Variants in MEI4 observed in about 807,000 individuals in gnomAD.
The protein encoded by MEI4 is meiotic double-stranded break formation protein 4.
MEI4 carries 27 observed loss-of-function variants against 31.4 expected under a neutral mutation model. That is an observed-to-expected ratio of 0.86 (90% CI 0.63 to 1.19). MEI4 has a LOEUF of 1.19. Ranked by LOEUF, MEI4 falls within the 50% of genes most tolerant of loss-of-function variation. The pLI is 0.00. For missense variants in MEI4, 329 were observed against 398.9 expected (o/e 0.82, Z 1.49); for synonymous variants, 122 against 145.4 (o/e 0.84, Z 1.16).
chr6:77,832,844 G>C (rs557721356), intron 4 of MEI4, among the ~76,000 whole-genome samples: 1 of 152,186 alleles, frequency 6.6e-6, no homozygotes, highest in East Asian at 1.9e-4. Flanking sequence ...CAACTGGTAT[G>C]TGTGTTGTCT....
At chr6:77,774,330 G>A (rs34107489) in intron 3 of MEI4, among the ~76,000 whole-genome samples, 13,963 of 151,972 alleles carry the variant, frequency 0.092, 925 homozygotes, top group East Asian at 0.3. Flanking sequence ...GTAGTCAGCC[G>A]TAAAAAAAGA....
Position 77,799,483 on chromosome 6 carries a change from A to T in MEI4, c.769-29448A>T, listed in dbSNP as rs1437451130. ...ATGGTAGTTTCTTTTGCTGTGCAGA[A>T]GCTCTTTAGTTTAATTAGATCCCAT... On this transcript the variant is annotated intron_variant, in intron 3 of 4. Coordinates refer to ENST00000684080, the MANE Select transcript of MEI4 (RefSeq NM_001322247.2). Among the ~76,000 whole-genome samples, 16 of 151,966 alleles carry T rather than the reference A, an allele frequency of 1.1e-4. No individual in the cohort carries two copies. The East Asian group carries it at 2.9e-3, about 27-fold the overall frequency.
chr6:77,737,485 G>A (rs911624751), intron 2 of MEI4, among the ~76,000 whole-genome samples: 4 of 152,072 alleles, frequency 2.6e-5, no homozygotes, highest in Non-Finnish European at 4.4e-5. Context: ...AGGAGTGCAC[G>A]TTCCTAAGGG....
chr6:77,820,119 T>G lies in MEI4; in HGVS notation c.769-8812T>G, dbSNP rs1483849913. Among the ~76,000 whole-genome samples the G allele has an allele frequency of 2.0e-5, 3 of 152,164 alleles. No homozygotes were observed. The highest frequency in any genetic ancestry group is 2.9e-5 in the Non-Finnish European group (2 of 68,032). ...TGTCAGTATCAGGATATGAGTTGTT[T>G]TGATAGAAACGAAACTGAAATATAA... On this transcript the variant is annotated intron_variant, in intron 3 of 4. Coordinates refer to ENST00000684080, the MANE Select transcript of MEI4 (RefSeq NM_001322247.2). The surrounding 1 kb of genome is among the most constrained non-coding windows in gnomAD (Gnocchi z 4.5).
intron 4 of MEI4, among the ~76,000 whole-genome samples, chr6:77,889,564 A>G (rs28482237): frequency 0.048 from 7,317 of 152,278 alleles, 439 homozygotes; most frequent in African/African-American, 0.14. Flanking sequence ...CAGCCTGACA[A>G]TGCAGTGGAA....
At position 77,903,931 on chromosome 6, in the gene MEI4, G is replaced by A. The variant is rs113591306; in HGVS notation, c.901-19158G>A. Among the ~76,000 whole-genome samples the A allele has an allele frequency of 5.2e-3, 787 of 152,150 alleles. 7 individuals are homozygous for A. Among genetic ancestry groups the A allele is most frequent in the African/African-American group, 0.019 (769 of 41,516 alleles). ...CTATTTCTATCCCTCCACTTTCAGTGTATTTGTGTACTTAAAGGTCAAGTC... is the reference window on the plus strand; with the variant it reads ...CTATTTCTATCCCTCCACTTTCAGTATATTTGTGTACTTAAAGGTCAAGTC... On this transcript the variant is annotated intron_variant, in intron 4 of 4. Transcript: ENST00000684080.
intron 2 of MEI4, among the ~76,000 whole-genome samples, chr6:77,741,935 CA>C (rs774045220): frequency 6.6e-6 from 1 of 151,942 alleles, no homozygotes; most frequent in Non-Finnish European, 1.5e-5. Context: ...CATGTCCCTA[CA>C]AAGGACATGA....
At chr6:77,739,744 G>C (rs1465220233) in intron 2 of MEI4, among the ~76,000 whole-genome samples, 1 of 151,472 alleles carries the variant, frequency 6.6e-6, no homozygotes, top group Non-Finnish European at 1.5e-5. Flanking sequence ...AAAAAAATAG[G>C]AAAACCAACT....
chr6:77,687,706 A>G (rs1769084066), intron 1 of MEI4, among the ~76,000 whole-genome samples: 2 of 152,092 alleles, frequency 1.3e-5, no homozygotes, highest in African/African-American at 4.8e-5. Context: ...CCAGTTTACT[A>G]TAAAAAATAC....
rs917694725 is a variant in MEI4, at chr6:77,924,076, T to C, written c.*730T>C. The C allele has an allele frequency of 6.6e-6, 1 of 151,822 alleles. No homozygotes were observed. Among genetic ancestry groups the C allele is most frequent in the Non-Finnish European group, 1.5e-5 (1 of 67,846 alleles). 9.4% of individuals were successfully genotyped at this position (151,822 alleles called of 1,614,324 possible). ...CAATTAAGTCACTAGACATATTTTA[T>C]AAATTCTAATATCCATCTAAAAGTG... On this transcript the variant is annotated 3_prime_UTR_variant, in exon 5 of 5. Coordinates refer to ENST00000684080, the MANE Select transcript of MEI4 (RefSeq NM_001322247.2).
At chr6:77,830,769 T>G (rs2127711883) in intron 4 of MEI4, among the ~76,000 whole-genome samples, 1 of 152,178 alleles carries the variant, frequency 6.6e-6, no homozygotes, top group African/African-American at 2.4e-5. Flanking sequence ...GATTAAAGTC[T>G]TAAATGTAAG....
At chr6:77,905,168 C>T (rs1453870943) in intron 4 of MEI4, among the ~76,000 whole-genome samples, 2 of 151,956 alleles carry the variant, frequency 1.3e-5, no homozygotes, top group Non-Finnish European at 1.5e-5. Flanking sequence ...AAATTAGTCT[C>T]GGTTGGCAGT....
intron 3 of MEI4, among the ~76,000 whole-genome samples, chr6:77,786,572 C>T (rs758811346): frequency 9.2e-5 from 14 of 151,572 alleles, no homozygotes; most frequent in African/African-American, 2.4e-4. Flanking sequence ...TGTAATAAGA[C>T]GGGAAAAAGA....
chr6:77,765,793 T>G (rs1768159491), intron 3 of MEI4, among the ~76,000 whole-genome samples: 1 of 149,504 alleles, frequency 6.7e-6, no homozygotes, highest in Non-Finnish European at 1.5e-5. Context: ...AACCCAAATG[T>G]CCAACAATGA....
At chr6:77,790,030 A>G (rs1045017764) in intron 3 of MEI4, among the ~76,000 whole-genome samples, 5 of 152,066 alleles carry the variant, frequency 3.3e-5, no homozygotes, top group Non-Finnish European at 5.9e-5. Flanking sequence ...GATAGACTGG[A>G]TTAAGAAAAT....
intron 1 of MEI4, among the ~76,000 whole-genome samples, chr6:77,673,809 T>A (rs1768790692): frequency 6.6e-6 from 1 of 152,194 alleles, no homozygotes; most frequent in South Asian, 2.1e-4. Context: ...ACAAATTGTG[T>A]CCTTTAGTGT....
At chr6:77,768,438 G>A (rs1444129665) in intron 3 of MEI4, among the ~76,000 whole-genome samples, 1 of 152,074 alleles carries the variant, frequency 6.6e-6, no homozygotes, top group Admixed American at 6.6e-5. Context: ...GGTGGCTCAC[G>A]CCTGTAACCC....
chr6:77,796,225 A>C (rs907953086), intron 3 of MEI4, among the ~76,000 whole-genome samples: 1 of 152,196 alleles, frequency 6.6e-6, no homozygotes, highest in Non-Finnish European at 1.5e-5. Context: ...AATGCACTTC[A>C]ACATTATAAA....
At chr6:77,733,807 C>T (rs886154224) in intron 2 of MEI4, among the ~76,000 whole-genome samples, 12 of 151,980 alleles carry the variant, frequency 7.9e-5, no homozygotes, top group African/African-American at 2.2e-4. Flanking sequence ...GAATGTGTCC[C>T]AGAGATTCTG....
Sources: gnomAD v4.1 joint callset for allele counts (sites outside exome capture counted in the v4.1 genomes callset) on GRCh38, gnomAD v4.1.1 for gene constraint, Gnocchi (gnomAD v3.1) non-coding constraint, MANE v1.5 for transcripts, NCBI Gene and HGNC (gene_info 2026-07-23, HGNC 2026-07-21) for gene names.